BMPER: variants seen among roughly 807,000 people sequenced by gnomAD.
BMPER encodes BMP-binding endothelial regulator protein.
BMPER carries 45 observed loss-of-function variants against 87.3 expected under a neutral mutation model. The ratio of observed to expected loss-of-function variants is 0.52; its 90% CI spans 0.41 to 0.66. The LOEUF is 0.66. Among genes scored for constraint, BMPER ranks in the 30% least tolerant of loss-of-function variants. The pLI is 0.00. For synonymous variants in BMPER, 326 were observed against 316.2 expected (o/e 1.03, Z -0.33); for missense variants, 784 against 867.5 (o/e 0.90, Z 1.21).
At chr7:33,995,074 T>A (rs1157691425) in intron 6 of BMPER, among the ~76,000 whole-genome samples, 3 of 152,186 alleles carry the variant, frequency 2.0e-5, no homozygotes, top group Admixed American at 6.5e-5. Context: ...TTTTTTGGGA[T>A]ATGGGAATTT....
intron 12 of BMPER, among the ~76,000 whole-genome samples, chr7:34,085,028 C>A (rs998193801): frequency 1.3e-5 from 2 of 152,144 alleles, no homozygotes; most frequent in Non-Finnish European, 2.9e-5. Context: ...TGGTAGCCTC[C>A]ACCACCGCCT....
At chr7:34,129,493 G>A (rs1374578764) in intron 13 of BMPER, among the ~76,000 whole-genome samples, 3 of 150,854 alleles carry the variant, frequency 2.0e-5, no homozygotes, top group Admixed American at 6.6e-5. Flanking sequence ...AGCTGAGATC[G>A]TGCCAGTGAC....
rs765539474 is a variant in BMPER at position 34,010,590 on chromosome 7, G to A, written c.577-35716G>A. ...CTTCATTTCCATTTAGATTGCTTGA[G>A]ATCCAGTATTTTTTAAATCAGTGCA... is the stretch of plus-strand genomic sequence containing the variant. On this transcript the variant is annotated intron_variant, in intron 6 of 14. Transcript: ENST00000649409. Among the ~76,000 whole-genome samples, 274 of 151,914 alleles carry A rather than the reference G, an allele frequency of 1.8e-3. 2 individuals carry two copies. Among genetic ancestry groups the A allele is most frequent in the Non-Finnish European group, 3.4e-3 (229 of 67,830 alleles).
intron 3 of BMPER, among the ~76,000 whole-genome samples, chr7:33,946,500 A>G (rs1217320780): frequency 6.6e-6 from 1 of 152,250 alleles, no homozygotes; most frequent in Admixed American, 6.5e-5. Context: ...GTTCTGGCAC[A>G]CACAAAGGCA....
At chr7:34,046,958 G>A (rs1394620262) in intron 7 of BMPER, among the ~76,000 whole-genome samples, 1 of 148,050 alleles carries the variant, frequency 6.8e-6, no homozygotes, top group Non-Finnish European at 1.5e-5. Context: ...ATCTTCTTAA[G>A]AAGCTGTGAA....
chr7:33,963,753 A>C (rs1785334098), intron 3 of BMPER, among the ~76,000 whole-genome samples: 1 of 152,182 alleles, frequency 6.6e-6, no homozygotes, highest in Non-Finnish European at 1.5e-5. Flanking sequence ...AGATCGCGCC[A>C]TTGCACTCTA....
intron 6 of BMPER, among the ~76,000 whole-genome samples, chr7:34,044,070 T>A (rs1787897474): frequency 1.3e-5 from 2 of 152,190 alleles, no homozygotes; most frequent in South Asian, 4.1e-4. Context: ...CCTCTGGACT[T>A]GGGCTTTGCC....
intron 14 of BMPER, among the ~76,000 whole-genome samples, chr7:34,147,800 A>G (rs994086546): frequency 1.3e-5 from 2 of 152,166 alleles, no homozygotes; most frequent in Admixed American, 1.3e-4. Flanking sequence ...AACAAAATAG[A>G]TCCTTTTAAA....
At chr7:34,073,467 A>T (rs1788787434) in intron 11 of BMPER, among the ~76,000 whole-genome samples, 1 of 152,212 alleles carries the variant, frequency 6.6e-6, no homozygotes, top group Admixed American at 6.5e-5. Context: ...AAAATACAGT[A>T]TTATAATCTT....
At chr7:34,008,695 C>CTT (rs1786799307) in intron 6 of BMPER, among the ~76,000 whole-genome samples, 1 of 151,922 alleles carries the variant, frequency 6.6e-6, no homozygotes, top group Admixed American at 6.6e-5. Context: ...TTACTGGTGT[C>CTT]TTTCTCAAGT....
At chr7:33,925,821 C>T (rs755830932) in intron 2 of BMPER, among the ~76,000 whole-genome samples, 11 of 152,148 alleles carry the variant, frequency 7.2e-5, no homozygotes, top group Admixed American at 2.0e-4. Flanking sequence ...AATCCCAAAA[C>T]GCTGACAGAT....
chr7:34,055,039 A>G lies in BMPER; in HGVS notation c.787-124A>G, dbSNP rs1439665621. ...GTGAATGAAAGATTTATTGCAATAA[A>G]TTAAAATAGGGTACCTTACAGACTT... On this transcript the variant is annotated intron_variant, in intron 8 of 14. Coordinates refer to ENST00000649409, the MANE Select transcript of BMPER (RefSeq NM_001365308.1). 3.6e-6 allele frequency: 5 copies of G among 1,381,422 alleles called. No individual in the cohort carries two copies. The Admixed American group carries it at 8.6e-5, about 24-fold the overall frequency. The allele number at this position is 1,381,422 out of a possible 1,614,324, so 85.6% of individuals were successfully genotyped here.
At chr7:33,956,140 C>A (rs975687457) in intron 3 of BMPER, among the ~76,000 whole-genome samples, 1 of 151,712 alleles carries the variant, frequency 6.6e-6, no homozygotes, top group Admixed American at 6.6e-5. Flanking sequence ...TCGTAGAAAA[C>A]GTATGTAGGA....
intron 2 of BMPER, among the ~76,000 whole-genome samples, chr7:33,935,097 A>G (rs1784571382): frequency 6.6e-6 from 1 of 152,198 alleles, no homozygotes; most frequent in Non-Finnish European, 1.5e-5. Context: ...GACCATAACA[A>G]TGTATGACCT....
intron 6 of BMPER, among the ~76,000 whole-genome samples, chr7:34,010,755 C>T (rs958542703): frequency 5.9e-5 from 9 of 151,768 alleles, no homozygotes; most frequent in East Asian, 3.9e-4. Flanking sequence ...CAAAGGTTTG[C>T]GTGGGATGAT....
chr7:34,095,191 A>T (rs1231218556), intron 13 of BMPER, among the ~76,000 whole-genome samples: 1 of 152,092 alleles, frequency 6.6e-6, no homozygotes, highest in Non-Finnish European at 1.5e-5. Context: ...GAAATAATCA[A>T]CTCGCCCTCA....
intron 13 of BMPER, among the ~76,000 whole-genome samples, chr7:34,130,957 G>A (rs773216140): frequency 8.5e-5 from 13 of 152,112 alleles, no homozygotes; most frequent in Non-Finnish European, 1.5e-4. Context: ...GTAATGTGAT[G>A]GTAAAAAGAG....
chr7:33,975,422 G>A (rs1785661072), intron 6 of BMPER, among the ~76,000 whole-genome samples: 1 of 152,138 alleles, frequency 6.6e-6, no homozygotes, highest in South Asian at 2.1e-4. Context: ...AAAGTCACAG[G>A]CTTGTCTTTC....
intron 6 of BMPER, among the ~76,000 whole-genome samples, chr7:34,018,605 G>A (rs1332909539): frequency 1.3e-5 from 2 of 151,930 alleles, no homozygotes; most frequent in Non-Finnish European, 2.9e-5. Flanking sequence ...AATCTGAAAT[G>A]TGGCTTGCAC....
Sources: gnomAD v4.1 joint callset for allele counts (sites outside exome capture counted in the v4.1 genomes callset) on GRCh38, gnomAD v4.1.1 for gene constraint, MANE v1.5 for transcripts, NCBI Gene and HGNC (gene_info 2026-07-23, HGNC 2026-07-21) for gene names.